Variants in ANO3 observed in about 807,000 individuals in gnomAD.
The protein encoded by ANO3 is anoctamin 3, also known as anoctamin-3.
ANO3 carries 99 observed loss-of-function variants against 144.8 expected under a neutral mutation model. That is an observed-to-expected ratio of 0.68 (90% CI 0.58 to 0.81). The LOEUF is 0.81. Ranked by LOEUF, ANO3 falls within the 30% of genes least tolerant of loss-of-function variation. The pLI is 0.00. For missense variants in ANO3, 905 were observed against 1,202.2 expected (o/e 0.75, Z 3.66); for synonymous variants, 414 against 392.6 (o/e 1.05, Z -0.64).
chr11:26,287,294 G>A (rs1479153281), intron 1 of ANO3: 3 of 152,080 alleles, frequency 2.0e-5, no homozygotes, highest in South Asian at 2.1e-4. Context: ...TTCGTCCTTC[G>A]AATAATGATG....
chr11:26,613,650 A>C (rs907450020), intron 17 of ANO3, among the ~76,000 whole-genome samples: 8 of 152,086 alleles, frequency 5.3e-5, no homozygotes, highest in African/African-American at 1.9e-4. Flanking sequence ...GTAGGAAGAA[A>C]CTTTCTTTGG....
At chr11:26,317,008 A>G (rs1346336266) in intron 1 of ANO3, among the ~76,000 whole-genome samples, 1 of 152,170 alleles carries the variant, frequency 6.6e-6, no homozygotes, top group Non-Finnish European at 1.5e-5. Context: ...GCCAGAGACA[A>G]TCCTTATTTA....
chr11:26,545,609 C>A (rs1394932024), intron 11 of ANO3, among the ~76,000 whole-genome samples: 1 of 151,534 alleles, frequency 6.6e-6, no homozygotes, highest in Non-Finnish European at 1.5e-5. Context: ...CTGAAGGAAA[C>A]AATTCTAAAA....
intron 1 of ANO3, among the ~76,000 whole-genome samples, chr11:26,357,430 T>C (rs1365457951): frequency 6.6e-6 from 1 of 152,158 alleles, no homozygotes; most frequent in Non-Finnish European, 1.5e-5. Context: ...GGTATCCTAT[T>C]GTGGTTTTTA....
At chr11:26,294,401 AATTTT>A (rs1310003735) in intron 1 of ANO3, among the ~76,000 whole-genome samples, 1 of 152,072 alleles carries the variant, frequency 6.6e-6, no homozygotes, top group Non-Finnish European at 1.5e-5. Context: ...TATTTTTTTA[AATTTT>A]ATTTTGAGTT....
chr11:26,385,745 C>T (rs1267089119), intron 1 of ANO3, among the ~76,000 whole-genome samples: 1 of 149,778 alleles, frequency 6.7e-6, no homozygotes, highest in East Asian at 2.0e-4. Context: ...TGTGCACATA[C>T]TTGAGAAGGG....
intron 14 of ANO3, among the ~76,000 whole-genome samples, chr11:26,580,838 T>A (rs897712330): frequency 6.6e-6 from 1 of 151,948 alleles, no homozygotes; most frequent in African/African-American, 2.4e-5. Flanking sequence ...AATGTTTATT[T>A]AAAAAAAATG....
chr11:26,282,389 T>C (rs1853699997), intron 1 of ANO3, among the ~76,000 whole-genome samples: 1 of 151,998 alleles, frequency 6.6e-6, no homozygotes, highest in African/African-American at 2.4e-5. Flanking sequence ...AACTCAGACA[T>C]AAACTTTTAT....
chr11:26,499,867 A>G (rs1861121538), intron 4 of ANO3, among the ~76,000 whole-genome samples: 1 of 151,926 alleles, frequency 6.6e-6, no homozygotes, highest in Non-Finnish European at 1.5e-5. Context: ...TATTTTTAAT[A>G]TATTCATAGG....
At chr11:26,593,541 G>T (rs538014994) in intron 14 of ANO3, among the ~76,000 whole-genome samples, 7 of 152,232 alleles carry the variant, frequency 4.6e-5, no homozygotes, top group African/African-American at 1.7e-4. Context: ...GCATACCCGG[G>T]GCTCTGTGAG....
At chr11:26,462,918 T>C (rs1351602423) in intron 3 of ANO3, 112 bp from the exon 4 acceptor site, 3 of 447,884 alleles carry the variant, frequency 6.7e-6, no homozygotes, top group African/African-American at 6.1e-5. Flanking sequence ...TATTTTCTAG[T>C]ATATATATAG....
chr11:26,205,398 T>C (rs1423699272), intron 1 of ANO3, among the ~76,000 whole-genome samples: 2 of 152,212 alleles, frequency 1.3e-5, no homozygotes, highest in Non-Finnish European at 2.9e-5. Flanking sequence ...GCAGAGCACA[T>C]AATCTATCCT....
chr11:26,522,640 G>A (rs1031201636), intron 6 of ANO3, among the ~76,000 whole-genome samples: 1 of 152,146 alleles, frequency 6.6e-6, no homozygotes, highest in African/African-American at 2.4e-5. Context: ...GGCCCTGCAC[G>A]TTCATTTATA....
intron 18 of ANO3, among the ~76,000 whole-genome samples, chr11:26,632,373 G>A (rs1051095961): frequency 2.7e-5 from 4 of 149,808 alleles, no homozygotes; most frequent in Admixed American, 1.3e-4. Context: ...AAACTTAGCC[G>A]GGCGTGGTGA....
rs1451686477 is a variant in ANO3 at position 26,291,778 on chromosome 11, G to T, written c.155-17867G>T. Reference sequence around the variant, plus strand: ...TTGTAGAGTTTCTGCTGAGAGATCTGCTGTTAGTCTGATGGGCTTCCCTTT... The same window carrying T: ...TTGTAGAGTTTCTGCTGAGAGATCTTCTGTTAGTCTGATGGGCTTCCCTTT... On this transcript the variant is annotated intron_variant, in intron 1 of 27. Transcript: ENST00000672621. Among the ~76,000 whole-genome samples, 3 of 152,308 alleles carry T rather than the reference G, an allele frequency of 2.0e-5. No homozygotes were observed. In the South Asian group the frequency reaches 6.2e-4, roughly 32 times the overall value.
In ANO3 at chr11:26,259,684, A is replaced by G. The variant is rs1853141844; in HGVS notation, c.155-49961A>G. 2.0e-5 allele frequency among the ~76,000 whole-genome samples: 3 copies of G among 152,262 alleles called. No individual in the cohort carries two copies. In the South Asian group the frequency reaches 6.2e-4, roughly 32 times the overall value. ...CTCCATAAAAAAAAAAAGTTATAAA[A>G]GTAAATAATATTTAATCACTAGTAG... On this transcript the variant is annotated intron_variant, in intron 1 of 27. Coordinates refer to the ANO3 transcript ENST00000672621.
At chr11:26,377,019 T>C (rs949794147) in intron 1 of ANO3, among the ~76,000 whole-genome samples, 2 of 152,106 alleles carry the variant, frequency 1.3e-5, no homozygotes, top group Non-Finnish European at 2.9e-5. Context: ...ACATGAAAAA[T>C]TCTTAGATTC....
rs929373943 is a variant in ANO3, at chr11:26,347,989, G to GA, written c.46+15674dup. The stretch of plus-strand genomic sequence containing the variant: ...ATTGGGTACTCTTTGCAAAGGTGAA[G>GA]AAAAAAGGTATAAATGTTTTCCCAG... On this transcript the variant is annotated intron_variant, in intron 1 of 26. Coordinates refer to ENST00000256737, the MANE Select transcript of ANO3 (RefSeq NM_031418.4). 5.3e-5 allele frequency among the ~76,000 whole-genome samples: 8 copies of GA among 152,000 alleles called. 1 individual carries two copies. The highest frequency in any genetic ancestry group is 7.4e-5 in the Non-Finnish European group (5 of 67,956).
intron 1 of ANO3, among the ~76,000 whole-genome samples, chr11:26,408,846 A>T (rs1292761254): frequency 6.6e-6 from 1 of 151,810 alleles, no homozygotes; most frequent in African/African-American, 2.4e-5. Context: ...GAAACTGGAA[A>T]CCATCATTCT....
Sources: allele counts gnomAD v4.1 joint callset (sites outside exome capture counted in the v4.1 genomes callset), GRCh38; gene constraint gnomAD v4.1.1; transcripts MANE v1.5; gene names NCBI Gene and HGNC (gene_info 2026-07-23, HGNC 2026-07-21).